Variants in ANGPT1 observed in about 807,000 individuals in gnomAD.
ANGPT1 encodes the protein angiopoietin 1.
ANGPT1 carries 17 observed loss-of-function variants against 62.2 expected under a neutral mutation model. The observed-to-expected ratio is 0.27, with a 90% CI of 0.19 to 0.41. The LOEUF is 0.41. ANGPT1 is among the 10% of genes least tolerant of loss of function. The pLI is 1.00. For synonymous variants in ANGPT1, 199 were observed against 198.9 expected (o/e 1.00, Z 0.00); for missense variants, 478 against 594.9 (o/e 0.80, Z 2.04).
At chr8:107,432,452 C>G (rs926625769) in intron 1 of ANGPT1, among the ~76,000 whole-genome samples, 1 of 152,116 alleles carries the variant, frequency 6.6e-6, no homozygotes, top group Non-Finnish European at 1.5e-5. Context: ...ATCACGAGGT[C>G]AGGAGATCGA....
intron 1 of ANGPT1, among the ~76,000 whole-genome samples, chr8:107,390,174 A>G (rs901859202): frequency 2.6e-5 from 4 of 152,130 alleles, no homozygotes; most frequent in African/African-American, 7.2e-5. Context: ...CTTATTTTTA[A>G]TCTAATACTC....
chr8:107,281,611 T>C (rs879808676), intron 7 of ANGPT1, among the ~76,000 whole-genome samples: 2 of 152,040 alleles, frequency 1.3e-5, no homozygotes, highest in Non-Finnish European at 2.9e-5. Context: ...ACTCCGTCTC[T>C]ACTAAAAATA....
chr8:107,264,563 G>A (rs1417141672), intron 7 of ANGPT1, among the ~76,000 whole-genome samples: 1 of 152,088 alleles, frequency 6.6e-6, no homozygotes, highest in African/African-American at 2.4e-5. Flanking sequence ...AAACTCATGT[G>A]GTTCTCTGAT....
chr8:107,423,894 G>A (rs1386860586), intron 1 of ANGPT1, among the ~76,000 whole-genome samples: 4 of 126,164 alleles, frequency 3.2e-5, no homozygotes, highest in Non-Finnish European at 6.3e-5. Flanking sequence ...AGGCTGGAGT[G>A]CAGTGGCACA....
chr8:107,339,993 C>A (rs941540162), intron 2 of ANGPT1, among the ~76,000 whole-genome samples: 3 of 152,198 alleles, frequency 2.0e-5, no homozygotes, highest in Admixed American at 6.5e-5. Context: ...TTCCCCATCA[C>A]CTTGACCCCA....
chr8:107,299,420 TAA>T (rs71303453), intron 5 of ANGPT1, among the ~76,000 whole-genome samples: 2 of 120,400 alleles, frequency 1.7e-5, no homozygotes, highest in Non-Finnish European at 3.6e-5. Context: ...TATATATATA[TAA>T]ACATACATAT....
At chr8:107,375,306 T>C (rs532473663) in intron 1 of ANGPT1, among the ~76,000 whole-genome samples, 1 of 152,346 alleles carries the variant, frequency 6.6e-6, no homozygotes, top group African/African-American at 2.4e-5. Flanking sequence ...GTTAGTATTT[T>C]TTTAAAAAAG....
At chr8:107,403,358 A>G (rs1274751583) in intron 1 of ANGPT1, among the ~76,000 whole-genome samples, 2 of 152,126 alleles carry the variant, frequency 1.3e-5, no homozygotes, top group Non-Finnish European at 2.9e-5. Flanking sequence ...CCTTAGCTGC[A>G]AAGAAAACTG....
intron 1 of ANGPT1, among the ~76,000 whole-genome samples, chr8:107,383,111 C>A (rs1435249911): frequency 6.6e-6 from 1 of 152,162 alleles, no homozygotes; most frequent in East Asian, 1.9e-4. Flanking sequence ...CTCAGCAGAA[C>A]TGAGCTCCAG....
At chr8:107,360,409 T>C (rs1816137823) in intron 1 of ANGPT1, among the ~76,000 whole-genome samples, 1 of 152,132 alleles carries the variant, frequency 6.6e-6, no homozygotes. Context: ...AGCCCAAATA[T>C]TGCAGTCGAT....
At chr8:107,345,825 AT>A (rs1417600456) in intron 2 of ANGPT1, among the ~76,000 whole-genome samples, 1 of 152,166 alleles carries the variant, frequency 6.6e-6, no homozygotes, top group African/African-American at 2.4e-5. Flanking sequence ...AGCAAAAAGT[AT>A]TTTCCAAAGC....
intron 1 of ANGPT1, among the ~76,000 whole-genome samples, chr8:107,488,099 A>C (rs888566060): frequency 2.6e-5 from 4 of 152,212 alleles, no homozygotes; most frequent in Non-Finnish European, 5.9e-5. Context: ...TTATCTTATC[A>C]AATTTGTGTC....
At chr8:107,431,511 C>A (rs1811186874) in intron 1 of ANGPT1, among the ~76,000 whole-genome samples, 2 of 152,186 alleles carry the variant, frequency 1.3e-5, no homozygotes, top group Non-Finnish European at 2.9e-5. Context: ...ACATGTCCTG[C>A]CAGGTCCCGG....
chr8:107,497,625 T>G lies in ANGPT1; in HGVS notation c.-67A>C. 2 of 1,474,158 alleles carry G rather than the reference T, an allele frequency of 1.4e-6. No homozygotes were observed. The highest frequency in any genetic ancestry group is 1.8e-6 in the Non-Finnish European group (2 of 1,096,856). The allele number at this position is 1,474,158 out of a possible 1,614,324, so 91.3% of individuals were successfully genotyped here. A position where few individuals can be genotyped will look rare whatever the true frequency, so the allele number is the denominator to read the frequency against. On this transcript the variant is annotated 5_prime_UTR_variant, in exon 1 of 9. The change abolishes the stop of an existing upstream ORF in the 5' untranslated region. Coordinates refer to ENST00000517746, the MANE Select transcript of ANGPT1 (RefSeq NM_001146.5). ...GCTCCTTTCTTCTGACCTCTAAAAC[T>G]AGTTCTTTATTTCAGGTAAAACTGC...
intron 1 of ANGPT1, among the ~76,000 whole-genome samples, chr8:107,461,599 A>G (rs980178831): frequency 6.6e-6 from 1 of 152,146 alleles, no homozygotes; most frequent in African/African-American, 2.4e-5. Context: ...TACATTAAAA[A>G]TCATTTAACA....
In ANGPT1 at chr8:107,282,594, ATG is replaced by A. The variant is rs71308716; in HGVS notation, c.1205+2086_1205+2087del. ...TATATATATATATATATATATATAT[ATG>A]AGCCTCAGCTTTCCTTCCCATAAAA... On this transcript the variant is annotated intron_variant, in intron 7 of 8. Coordinates refer to ENST00000517746, the MANE Select transcript of ANGPT1 (RefSeq NM_001146.5). 2.6e-3 allele frequency among the ~76,000 whole-genome samples: 312 copies of A among 119,346 alleles called. 2 individuals carry two copies. Among genetic ancestry groups the A allele is most frequent in the African/African-American group, 8.4e-3 (273 of 32,358 alleles). The allele number at this position is 119,346 out of a possible 152,430, so 78.3% of individuals were successfully genotyped here. A position where few individuals can be genotyped will look rare whatever the true frequency, so the allele number is the denominator to read the frequency against.
chr8:107,322,153 T>C, intron 3 of ANGPT1, 25 bp from the exon 4 acceptor site: 1 of 1,536,188 alleles, frequency 6.5e-7, no homozygotes, highest in African/African-American at 1.4e-5. Context: ...AAATAAAACT[T>C]AGATTTGAAA....
At chr8:107,264,477 C>A in intron 7 of ANGPT1, 126 bp from the exon 8 acceptor site, 1 of 1,219,854 alleles carries the variant, frequency 8.2e-7, no homozygotes, top group Non-Finnish European at 1.1e-6. Context: ...GCCCTTCCAA[C>A]AAACCTCTAG....
intron 7 of ANGPT1, among the ~76,000 whole-genome samples, chr8:107,270,771 C>T (rs576385833): frequency 3.3e-5 from 5 of 151,736 alleles, no homozygotes; most frequent in South Asian, 2.1e-4. Flanking sequence ...AATACACTTA[C>T]GAAAAAGTGA....
Sources: allele counts gnomAD v4.1 joint callset (sites outside exome capture counted in the v4.1 genomes callset), GRCh38; gene constraint gnomAD v4.1.1; transcripts MANE v1.5; gene names NCBI Gene and HGNC (gene_info 2026-07-23, HGNC 2026-07-21).